The following ZFAND4 variants were observed in gnomAD, a reference collection of about 807,000 sequenced individuals.
ZFAND4 encodes the protein zinc finger AN1-type containing 4, also known as AN1-type zinc finger protein 4.
ZFAND4 carries 43 observed loss-of-function variants against 64.4 expected under a neutral mutation model. The observed-to-expected ratio is 0.67, with a 90% CI of 0.52 to 0.86. The LOEUF (loss-of-function observed/expected upper bound fraction) is 0.86, where lower values mean the gene tolerates loss of function less well. Among genes scored for constraint, ZFAND4 ranks in the 40% least tolerant of loss-of-function variants. The pLI, the probability that ZFAND4 is intolerant of heterozygous loss-of-function variation, is 0.00. For missense variants in ZFAND4, 929 were observed against 859.8 expected (o/e 1.08, Z -1.01); for synonymous variants, 296 against 305.7 (o/e 0.97, Z 0.33).
chr10:45,648,879 AT>A, intron 4 of ZFAND4: 2 of 916,292 alleles, frequency 2.2e-6, no homozygotes, highest in Non-Finnish European at 2.6e-6. Flanking sequence ...ACTATCAATA[AT>A]TTTTTTACTA....
At chr10:45,656,180 G>C (rs1025657432) in intron 2 of ZFAND4, among the ~76,000 whole-genome samples, 4 of 152,152 alleles carry the variant, frequency 2.6e-5, no homozygotes, top group Non-Finnish European at 5.9e-5. Context: ...GCAGTGAGCT[G>C]AGATCGCACC....
At chr10:45,646,485 A>G (rs1041380448) in intron 5 of ZFAND4, among the ~76,000 whole-genome samples, 5 of 152,190 alleles carry the variant, frequency 3.3e-5, no homozygotes, top group Non-Finnish European at 7.3e-5. Context: ...AGGAAGAAAA[A>G]ATATATAAAT....
At chr10:45,667,904 C>T (rs1008026158) in intron 1 of ZFAND4, among the ~76,000 whole-genome samples, 20 of 152,150 alleles carry the variant, frequency 1.3e-4, no homozygotes, top group African/African-American at 4.1e-4. Flanking sequence ...TAATGTTAAC[C>T]GTGGGGTTTT....
chr10:45,661,105 C>G (rs1315713920), intron 2 of ZFAND4, among the ~76,000 whole-genome samples: 1 of 152,156 alleles, frequency 6.6e-6, no homozygotes, highest in Non-Finnish European at 1.5e-5. Context: ...GGTCTGTAAT[C>G]CCAGCTCTTT....
At chr10:45,667,194 T>C (rs1351314905) in intron 1 of ZFAND4, among the ~76,000 whole-genome samples, 1 of 152,198 alleles carries the variant, frequency 6.6e-6, no homozygotes, top group Non-Finnish European at 1.5e-5. Context: ...TTATTAAATT[T>C]ATTCCTAAGT....
In ZFAND4 at chr10:45,669,159, A is replaced by AATAAGAAAAGAGAG. The variant is rs531585880; in HGVS notation, c.-118+3090_-118+3091insCTCTCTTTTCTTAT. ...AAATTGATAGATTGTTAGTAAGACT[A>AATAAGAAAAGAGAG]AAGAATCAAATAGATGCAATAAAAA... On this transcript the variant is annotated intron_variant, in intron 1 of 9. Transcript: ENST00000344646. 1.3e-3 allele frequency among the ~76,000 whole-genome samples: 194 copies of AATAAGAAAAGAGAG among 151,724 alleles called. 1 individual carries two copies. The highest frequency in any genetic ancestry group is 4.3e-3 in the African/African-American group (179 of 41,494).
Position 45,626,995 on chromosome 10 carries a change from A to G in ZFAND4, c.828T>C (p.Gly276=), listed in dbSNP as rs2045880375. The G allele has an allele frequency of 6.2e-7, 1 of 1,613,632 alleles. No individual in the cohort carries two copies. The highest frequency in any genetic ancestry group is 8.5e-7 in the Non-Finnish European group (1 of 1,179,790). Residue 276 remains glycine, a synonymous_variant, in exon 7 of 10, where the codon GGT becomes GGC. Coordinates refer to ENST00000344646, the MANE Select transcript of ZFAND4 (RefSeq NM_174890.4). The part of the protein sequence containing the change: ...HRLLRVLPNI[G]QSCSPAFGNA... ...TCCCAAAAGCAGGTGAACAAGATTG[A>G]CCAATGTTGGGGAGGACCCTTAACA...
chr10:45,632,901 A>C (rs2133627935), intron 6 of ZFAND4, among the ~76,000 whole-genome samples: 1 of 152,322 alleles, frequency 6.6e-6, no homozygotes, highest in South Asian at 2.1e-4. Context: ...AGTAACTTAA[A>C]AGTTAATAAA....
chr10:45,637,860 T>C (rs1403933374), intron 6 of ZFAND4, among the ~76,000 whole-genome samples: 1 of 152,168 alleles, frequency 6.6e-6, no homozygotes, highest in Non-Finnish European at 1.5e-5. Flanking sequence ...CATAGAGTGT[T>C]AGAAGTATCT....
At chr10:45,638,183 T>A (rs1247391263) in intron 6 of ZFAND4, among the ~76,000 whole-genome samples, 1 of 151,886 alleles carries the variant, frequency 6.6e-6, no homozygotes, top group Non-Finnish European at 1.5e-5. Flanking sequence ...GTAAATTGGT[T>A]CAAATGCTTG....
chr10:45,616,844 C>T (rs1369996626), intron 9 of ZFAND4, among the ~76,000 whole-genome samples: 1 of 152,124 alleles, frequency 6.6e-6, no homozygotes, highest in Non-Finnish European at 1.5e-5. Context: ...CCTGTAATCC[C>T]AGCACTTTGG....
intron 8 of ZFAND4, chr10:45,620,789 T>C (rs1447242949): frequency 6.6e-6 from 1 of 152,246 alleles, no homozygotes; most frequent in African/African-American, 2.4e-5. Context: ...CCCCGAAGGA[T>C]GTACCAAGTC....
rs773392435 is a variant in ZFAND4 at position 45,618,234 on chromosome 10, G to C, written c.1954C>G (p.Pro652Ala). 1.9e-6 allele frequency: 3 copies of C among 1,613,562 alleles called. No homozygotes were observed. Among genetic ancestry groups the C allele is most frequent in the Non-Finnish European group, 2.5e-6 (3 of 1,179,806 alleles). The change falls in exon 9 of 10, where the codon CCT becomes GCT. Residue 652 changes from proline (P) to alanine (A), a missense_variant. Physicochemically the swap from Pro to Ala is conservative, Grantham distance 27. Transcript: ENST00000344646. ...TTTGTCTGAAGAGGGGCTTTCACAG[G>C]TGGGAGGTGATGAGTAGTACATTCT... ...VGECTTHHLP[P>A]VKAPLQTKKK...
intron 8 of ZFAND4, among the ~76,000 whole-genome samples, chr10:45,618,513 T>G (rs1285674220): frequency 2.0e-5 from 3 of 152,202 alleles, no homozygotes; most frequent in Non-Finnish European, 4.4e-5. Context: ...CACACCACTT[T>G]CCTCATTATT....
intron 7 of ZFAND4, 54 bp from the exon 8 acceptor site, chr10:45,624,691 G>T: frequency 7.0e-7 from 1 of 1,421,278 alleles, no homozygotes; most frequent in South Asian, 1.2e-5. Context: ...GAATAGAAAT[G>T]ATCAACAAAC....
At chr10:45,643,929 T>A (rs1305480511) in intron 5 of ZFAND4, among the ~76,000 whole-genome samples, 2 of 152,112 alleles carry the variant, frequency 1.3e-5, no homozygotes, top group Non-Finnish European at 2.9e-5. Context: ...CTCAAAATAA[T>A]GGTATTTCAT....
At chr10:45,658,159 T>C (rs1360958385) in intron 2 of ZFAND4, among the ~76,000 whole-genome samples, 4 of 152,220 alleles carry the variant, frequency 2.6e-5, no homozygotes, top group Non-Finnish European at 5.9e-5. Flanking sequence ...TTGACATATG[T>C]ATTCAAGTTA....
chr10:45,669,411 C>A (rs1344344158), intron 1 of ZFAND4, among the ~76,000 whole-genome samples: 2 of 152,138 alleles, frequency 1.3e-5, no homozygotes, highest in African/African-American at 4.8e-5. Context: ...CAAAAAAAGT[C>A]CAGGTCCAGA....
At position 45,616,266 on chromosome 10, in the gene ZFAND4, G is replaced by A; in HGVS notation, c.*170C>T. On this transcript the variant is annotated 3_prime_UTR_variant, in exon 10 of 10. Transcript: ENST00000344646. Reference sequence around the variant, plus strand: ...ACTTTTAAAACTTTTGTTTCACCAAGAAATAAAGATGTAAAATACAGTAGC... The same window carrying A: ...ACTTTTAAAACTTTTGTTTCACCAAAAAATAAAGATGTAAAATACAGTAGC... The A allele has an allele frequency of 1.1e-6, 1 of 898,852 alleles. No homozygotes were observed. The allele number at this position is 898,852 out of a possible 1,614,324, so 55.7% of individuals were successfully genotyped here. A position where few individuals can be genotyped will look rare whatever the true frequency, so the allele number is the denominator to read the frequency against.
Sources: allele counts gnomAD v4.1 joint callset (sites outside exome capture counted in the v4.1 genomes callset), GRCh38; gene constraint gnomAD v4.1.1; transcripts MANE v1.5; gene names NCBI Gene and HGNC (gene_info 2026-07-23, HGNC 2026-07-21).